ERC2: variants seen among roughly 807,000 people sequenced by gnomAD.
The protein encoded by ERC2 is ERC protein 2.
Under a neutral mutation model 114.8 loss-of-function variants are expected in ERC2, and 42 were observed. That is an observed-to-expected ratio of 0.37 (90% confidence interval 0.29 to 0.47). The LOEUF (loss-of-function observed/expected upper bound fraction) is 0.47, where lower values mean the gene tolerates loss of function less well. Ranked by LOEUF, ERC2 falls within the 20% of genes least tolerant of loss-of-function variation. The probability of loss-of-function intolerance (pLI) is 0.99; values close to 1 mark genes in which losing one functional copy is unlikely to be tolerated. For synonymous variants in ERC2, 454 were observed against 425.5 expected (o/e 1.07, Z -0.82); for missense variants, 939 against 1,150.7 (o/e 0.82, Z 2.66).
chr3:56,186,956 G>A (rs965039863), intron 3 of ERC2, among the ~76,000 whole-genome samples: 2 of 152,144 alleles, frequency 1.3e-5, no homozygotes, highest in Admixed American at 1.3e-4. Flanking sequence ...CCTGAGACAA[G>A]GACTTCCATG....
chr3:55,732,838 C>A (rs1229832155), intron 15 of ERC2, among the ~76,000 whole-genome samples: 1 of 152,180 alleles, frequency 6.6e-6, no homozygotes, highest in Non-Finnish European at 1.5e-5. Flanking sequence ...CACTGCAAAT[C>A]ATGATCTAAT....
chr3:55,859,923 A>G (rs1035739696), intron 14 of ERC2, among the ~76,000 whole-genome samples: 1 of 151,688 alleles, frequency 6.6e-6, no homozygotes, highest in Non-Finnish European at 1.5e-5. Flanking sequence ...TAAATTAAAA[A>G]CTCAGATCTC....
chr3:56,094,401 C>T, intron 6 of ERC2, among the ~76,000 whole-genome samples: 1 of 152,260 alleles, frequency 6.6e-6, no homozygotes, highest in East Asian at 1.9e-4. Flanking sequence ...GCTCAGAGAC[C>T]TAGTGTAGTA....
chr3:55,966,406 T>C (rs570967582), intron 12 of ERC2, among the ~76,000 whole-genome samples: 2 of 152,200 alleles, frequency 1.3e-5, no homozygotes, highest in East Asian at 1.9e-4. Flanking sequence ...TGTTACCCTA[T>C]CTAAAACCCA....
intron 3 of ERC2, among the ~76,000 whole-genome samples, chr3:56,237,348 A>T (rs1243330873): frequency 6.6e-6 from 1 of 152,196 alleles, no homozygotes; most frequent in Non-Finnish European, 1.5e-5. Context: ...AGTTGCTTAT[A>T]CTTTCATCTT....
chr3:56,468,008 C>A (rs552105175), intron 1 of ERC2, among the ~76,000 whole-genome samples: 64 of 152,182 alleles, frequency 4.2e-4, no homozygotes, highest in African/African-American at 1.5e-3. Flanking sequence ...TGGAGGAAAC[C>A]GTGCACTTGT....
At chr3:56,136,022 G>A (rs1298206931) in intron 6 of ERC2, among the ~76,000 whole-genome samples, 1 of 152,138 alleles carries the variant, frequency 6.6e-6, no homozygotes, top group East Asian at 1.9e-4. Flanking sequence ...ATCTCTCTGT[G>A]TATGTAATTA....
At chr3:55,704,551 G>A (rs1263795955) in intron 15 of ERC2, among the ~76,000 whole-genome samples, 1 of 152,180 alleles carries the variant, frequency 6.6e-6, no homozygotes, top group East Asian at 1.9e-4. Context: ...ATCAGAGCAA[G>A]GTGAACAGCT....
At chr3:55,567,529 G>A (rs924211899) in intron 17 of ERC2, among the ~76,000 whole-genome samples, 3 of 152,292 alleles carry the variant, frequency 2.0e-5, no homozygotes, top group East Asian at 1.9e-4. Flanking sequence ...CCTTCTGAGC[G>A]TATAGAGACT....
intron 14 of ERC2, among the ~76,000 whole-genome samples, chr3:55,866,256 C>T (rs1380555691): frequency 6.6e-6 from 1 of 152,110 alleles, no homozygotes; most frequent in Non-Finnish European, 1.5e-5. Context: ...TATATCTTCT[C>T]TACAGAAATG....
At chr3:56,001,712 ACTC>A (rs1327074811) in intron 10 of ERC2, among the ~76,000 whole-genome samples, 1 of 152,054 alleles carries the variant, frequency 6.6e-6, no homozygotes, top group African/African-American at 2.4e-5. Flanking sequence ...GGGAGAGTGA[ACTC>A]CTAGCATGGT....
intron 7 of ERC2, among the ~76,000 whole-genome samples, chr3:56,036,837 C>T (rs2074838676): frequency 6.6e-6 from 1 of 152,142 alleles, no homozygotes; most frequent in East Asian, 1.9e-4. Flanking sequence ...TGCAGACACT[C>T]AGCAGCCACT....
Position 56,139,691 on chromosome 3 carries a change from C to T in ERC2, c.1306-15G>A, listed in dbSNP as rs755311580. 6.3e-6 allele frequency: 10 copies of T among 1,578,216 alleles called. No individual in the cohort carries two copies. In the South Asian group the frequency reaches 9.2e-5, roughly 15 times the overall value. ...AGCTGATCAATCTGCAAAACAACAA[C>T]AAAATTGCAAGAAATTAGAAATTGC... On this transcript the variant is annotated splice_polypyrimidine_tract_variant and intron_variant, in intron 5 of 17. Coordinates refer to ENST00000288221, the MANE Select transcript of ERC2 (RefSeq NM_015576.3).
intron 3 of ERC2, among the ~76,000 whole-genome samples, chr3:56,243,669 A>G (rs1394900358): frequency 6.6e-6 from 1 of 152,228 alleles, no homozygotes; most frequent in Non-Finnish European, 1.5e-5. Context: ...ATTTTAAACA[A>G]GAAGATGAAT....
At chr3:55,519,737 T>A (rs2052773567) in intron 17 of ERC2, among the ~76,000 whole-genome samples, 3 of 152,112 alleles carry the variant, frequency 2.0e-5, no homozygotes, top group Admixed American at 2.0e-4. Flanking sequence ...TTCTCCTAGT[T>A]AAGGGTAAAT....
chr3:55,845,339 C>T (rs944374045), intron 14 of ERC2, among the ~76,000 whole-genome samples: 3 of 151,882 alleles, frequency 2.0e-5, no homozygotes, highest in African/African-American at 7.3e-5. Flanking sequence ...CCCGTCTCTG[C>T]TAATAATACA....
intron 15 of ERC2, among the ~76,000 whole-genome samples, chr3:55,721,466 T>C (rs7610616): frequency 0.23 from 34,526 of 152,246 alleles, 4,559 homozygotes; most frequent in African/African-American, 0.33. Flanking sequence ...TAACGTACTA[T>C]GTGTGAATGC....
At chr3:56,228,234 C>G (rs1469197470) in intron 3 of ERC2, among the ~76,000 whole-genome samples, 1 of 152,174 alleles carries the variant, frequency 6.6e-6, no homozygotes, top group African/African-American at 2.4e-5. Flanking sequence ...CCATCTCAAC[C>G]ATTTTTCCCT....
chr3:56,008,878 T>C (rs1436726946), intron 9 of ERC2, among the ~76,000 whole-genome samples: 2 of 152,122 alleles, frequency 1.3e-5, no homozygotes, highest in Non-Finnish European at 2.9e-5. Context: ...CTTTTGCTGA[T>C]GGCCTGTTCT....
Sources: allele counts gnomAD v4.1 joint callset (sites outside exome capture counted in the v4.1 genomes callset), GRCh38; gene constraint gnomAD v4.1.1; transcripts MANE v1.5; gene names NCBI Gene and HGNC (gene_info 2026-07-23, HGNC 2026-07-21).